TMPRSS15: variants seen among roughly 807,000 people sequenced by gnomAD.
The protein encoded by TMPRSS15 is enteropeptidase.
A neutral mutation model predicts 125.3 loss-of-function variants in TMPRSS15; 128 were observed. The ratio of observed to expected loss-of-function variants is 1.02; its 90% confidence interval spans 0.89 to 1.18. The LOEUF is 1.18. Ranked by LOEUF, TMPRSS15 falls within the 50% of genes most tolerant of loss-of-function variation. The pLI is 0.00. For synonymous variants in TMPRSS15, 446 were observed against 423.2 expected (o/e 1.05, Z -0.66); for missense variants, 1,283 against 1,212.7 (o/e 1.06, Z -0.86).
intron 1 of TMPRSS15, among the ~76,000 whole-genome samples, chr21:18,453,643 C>A (rs1294950406): frequency 6.6e-6 from 1 of 152,150 alleles, no homozygotes; most frequent in African/African-American, 2.4e-5. Flanking sequence ...AGCAATCCCA[C>A]TTTTAGGTAA....
At chr21:18,438,368 CTAA>C (rs576129132) in intron 1 of TMPRSS15, among the ~76,000 whole-genome samples, 3,069 of 150,390 alleles carry the variant, frequency 0.02, 60 homozygotes, top group Non-Finnish European at 0.032. Context: ...GGAGATATAC[CTAA>C]TGTTAAATGT....
intron 21 of TMPRSS15, among the ~76,000 whole-genome samples, chr21:18,293,639 G>A (rs1354849863): frequency 2.0e-5 from 3 of 152,212 alleles, no homozygotes; most frequent in African/African-American, 7.2e-5. Flanking sequence ...CATCCACTCT[G>A]TTCTCTCCTC....
intron 3 of TMPRSS15, among the ~76,000 whole-genome samples, chr21:18,394,535 C>T (rs1405061891): frequency 7.1e-6 from 1 of 141,782 alleles, no homozygotes; most frequent in Non-Finnish European, 1.6e-5. Flanking sequence ...CTCTCTCTGT[C>T]TCTCTCTCTC....
At chr21:18,329,761 TA>T (rs1344431034) in intron 14 of TMPRSS15, among the ~76,000 whole-genome samples, 3 of 151,740 alleles carry the variant, frequency 2.0e-5, no homozygotes, top group Admixed American at 6.6e-5. Context: ...TTTAGTTCAT[TA>T]AAAAAACAAA....
At chr21:18,345,303 T>C (rs1034688367) in intron 10 of TMPRSS15, among the ~76,000 whole-genome samples, 2 of 152,194 alleles carry the variant, frequency 1.3e-5, no homozygotes, top group African/African-American at 4.8e-5. Context: ...GTTAGTGTTC[T>C]AATTATATGA....
chr21:18,272,380 A>G (rs115261178), intron 24 of TMPRSS15, among the ~76,000 whole-genome samples: 11,410 of 151,986 alleles, frequency 0.075, 1,287 homozygotes, highest in African/African-American at 0.25. Context: ...TTCAGTGAAG[A>G]TATTAATATT....
At chr21:18,371,778 T>C (rs1214667598) in intron 6 of TMPRSS15, among the ~76,000 whole-genome samples, 2 of 152,002 alleles carry the variant, frequency 1.3e-5, no homozygotes, top group Non-Finnish European at 2.9e-5. Context: ...GATATGATAG[T>C]GAAAAAACAT....
chr21:18,353,957 C>T (rs1236191021), intron 8 of TMPRSS15, 94 bp from the exon 9 acceptor site: 4 of 1,196,664 alleles, frequency 3.3e-6, no homozygotes, highest in Non-Finnish European at 4.9e-6. Context: ...ATCAGTTTGT[C>T]AGTTGATCTA....
At chr21:18,423,440 G>C (rs1000939752) in intron 1 of TMPRSS15, among the ~76,000 whole-genome samples, 1 of 141,752 alleles carries the variant, frequency 7.1e-6, no homozygotes. Context: ...ACAGAGTCTC[G>C]CTCTGTCGCC....
chr21:18,460,906 A>G (rs2122952045), intron 1 of TMPRSS15, among the ~76,000 whole-genome samples: 1 of 152,244 alleles, frequency 6.6e-6, no homozygotes, highest in Middle Eastern at 3.4e-3. Flanking sequence ...TATTTCCTTC[A>G]ATGGCTGTGC....
intron 1 of TMPRSS15, among the ~76,000 whole-genome samples, chr21:18,474,285 A>G (rs1487228916): frequency 6.6e-6 from 1 of 151,100 alleles, no homozygotes; most frequent in African/African-American, 2.5e-5. Context: ...AAAAAGATAT[A>G]CATTTTGCTA....
rs79202350 is a variant in TMPRSS15 at position 18,481,796 on chromosome 21, A to G, written c.10+4003T>C. 6.8e-4 allele frequency among the ~76,000 whole-genome samples: 103 copies of G among 151,840 alleles called. 1 individual carries two copies. In the East Asian group the frequency reaches 0.016, roughly 24 times the overall value. On this transcript the variant is annotated intron_variant, in intron 1 of 7. Coordinates refer to the TMPRSS15 transcript ENST00000422787. ...CAATAATAGGTAGGTAATACATTAA[A>G]AACATCCTTTAATCAAAAGTCTATT...
intron 1 of TMPRSS15, among the ~76,000 whole-genome samples, chr21:18,426,028 T>A (rs536725819): frequency 6.6e-6 from 1 of 152,300 alleles, no homozygotes; most frequent in East Asian, 1.9e-4. Flanking sequence ...GCTTCCTAAA[T>A]ATTTGTAAGA....
intron 21 of TMPRSS15, among the ~76,000 whole-genome samples, chr21:18,283,510 T>G (rs755365975): frequency 1.3e-5 from 2 of 151,828 alleles, no homozygotes; most frequent in Non-Finnish European, 2.9e-5. Context: ...ATATAACCAA[T>G]GTATTGTAAT....
chr21:18,357,881 A>T (rs547834695), intron 8 of TMPRSS15, among the ~76,000 whole-genome samples: 2 of 151,890 alleles, frequency 1.3e-5, no homozygotes, highest in Admixed American at 6.6e-5. Context: ...AAAAAATTAG[A>T]ATTTTTAATT....
chr21:18,395,628 C>T (rs1477054271), intron 3 of TMPRSS15, among the ~76,000 whole-genome samples: 1 of 152,094 alleles, frequency 6.6e-6, no homozygotes, highest in Non-Finnish European at 1.5e-5. Context: ...AGTATCTTAA[C>T]CTTTTCAAAA....
chr21:18,398,670 T>C (rs559691771), intron 1 of TMPRSS15, among the ~76,000 whole-genome samples: 2 of 152,136 alleles, frequency 1.3e-5, no homozygotes, highest in Admixed American at 6.6e-5. Flanking sequence ...CCACCAATCA[T>C]GGGAAGTGAC....
chr21:18,312,735 A>T (rs2824730), intron 18 of TMPRSS15, among the ~76,000 whole-genome samples: 42,016 of 151,772 alleles, frequency 0.28, 6,810 homozygotes, highest in Non-Finnish European at 0.35. Context: ...TAATATTTAC[A>T]TGTACTTTAT....
At chr21:18,412,511 A>G (rs1229875143) in intron 1 of TMPRSS15, among the ~76,000 whole-genome samples, 1 of 152,236 alleles carries the variant, frequency 6.6e-6, no homozygotes. Flanking sequence ...AAAAATTTGC[A>G]TTTCATGTTT....
Sources: gnomAD v4.1 joint callset for allele counts (sites outside exome capture counted in the v4.1 genomes callset) on GRCh38, gnomAD v4.1.1 for gene constraint, MANE v1.5 for transcripts, NCBI Gene and HGNC (gene_info 2026-07-23, HGNC 2026-07-21) for gene names.